The following AGTPBP1 variants were observed in gnomAD, a reference collection of about 807,000 sequenced individuals.
AGTPBP1 encodes the protein ATP/GTP binding carboxypeptidase 1.
Under a neutral mutation model 143.9 loss-of-function variants are expected in AGTPBP1, and 70 were observed. That is an observed-to-expected ratio of 0.49 (90% CI 0.40 to 0.59). AGTPBP1 has a LOEUF of 0.59. Among genes scored for constraint, AGTPBP1 ranks in the 20% least tolerant of loss-of-function variants. The probability of loss-of-function intolerance (pLI) is 0.00; values close to 1 mark genes in which losing one functional copy is unlikely to be tolerated. For missense variants in AGTPBP1, 1,229 were observed against 1,464.5 expected, an observed-to-expected ratio of 0.84 and a Z score of 2.62; for synonymous variants, 463 against 500.2, an observed-to-expected ratio of 0.93 and a Z score of 0.99.
At chr9:85,557,071 T>A (rs925119741) in intron 25 of AGTPBP1, among the ~76,000 whole-genome samples, 1 of 152,202 alleles carries the variant, frequency 6.6e-6, no homozygotes, top group Non-Finnish European at 1.5e-5. Context: ...ATTCTTATTT[T>A]GAAGTCTCAG....
rs367716084 is a variant in AGTPBP1, at chr9:85,672,561, T to C, written c.557A>G (p.Tyr186Cys). The change falls in exon 7 of 26, where the codon TAT (tyrosine) becomes TGT (cysteine). Residue 186 changes from tyrosine (Y) to cysteine (C), a missense_variant. Physicochemically the swap from Tyr to Cys is radical, Grantham distance 194 (BLOSUM62 -2). Around this residue, in one of 2 missense-constraint regions of AGTPBP1, gnomAD observed 743 missense variants for 812.2 expected, o/e 0.91. Coordinates refer to ENST00000357081, the MANE Select transcript of AGTPBP1 (RefSeq NM_001330701.2). ...VLPCLQLLRVYSANSVNSVSL... is the reference protein window; with the variant it reads ...VLPCLQLLRVCSANSVNSVSL... Reference sequence around the variant, plus strand: ...ACCTAAATACTCACAGTTGGCAGAATATACTCGTAAAAGCTGAAGGCAAGG... The same window carrying C: ...ACCTAAATACTCACAGTTGGCAGAACATACTCGTAAAAGCTGAAGGCAAGG... 23 of 1,611,190 alleles carry C rather than the reference T, an allele frequency of 1.4e-5. No individual in the cohort carries two copies. The highest frequency in any genetic ancestry group is 1.7e-4 in the Middle Eastern group (1 of 6,060).
intron 1 of AGTPBP1, among the ~76,000 whole-genome samples, chr9:85,720,673 C>A (rs574526220): frequency 6.6e-6 from 1 of 152,058 alleles, no homozygotes; most frequent in East Asian, 1.9e-4. Context: ...TTCAGTTCTG[C>A]TCTAATCTTA....
At chr9:85,642,095 A>G (rs1832513269) in intron 13 of AGTPBP1, among the ~76,000 whole-genome samples, 2 of 152,176 alleles carry the variant, frequency 1.3e-5, no homozygotes, top group African/African-American at 4.8e-5. Context: ...AGTGTATGAA[A>G]TTTGGGGAAC....
intron 19 of AGTPBP1, among the ~76,000 whole-genome samples, chr9:85,591,358 G>A (rs981271909): frequency 1.3e-5 from 2 of 151,908 alleles, no homozygotes; most frequent in African/African-American, 4.8e-5. Flanking sequence ...GGGTGGCAGC[G>A]GGAACTAATG....
At chr9:85,735,388 G>A (rs1205516174) in intron 1 of AGTPBP1, among the ~76,000 whole-genome samples, 15 of 152,144 alleles carry the variant, frequency 9.9e-5, no homozygotes, top group Admixed American at 9.8e-4. Context: ...TGGGGGAGGG[G>A]GAGAGTAATT....
chr9:85,633,677 A>G (rs117220182), intron 13 of AGTPBP1, among the ~76,000 whole-genome samples: 2,543 of 152,266 alleles, frequency 0.017, 25 homozygotes, highest in Middle Eastern at 0.054. Context: ...CATTCATTCA[A>G]TAACATTACA....
At chr9:85,788,645 T>C in the AGTPBP1 span, among the ~76,000 whole-genome samples, 1 of 149,546 alleles carries the variant, frequency 6.7e-6, no homozygotes, top group African/African-American at 2.4e-5. Flanking sequence ...CACTTGTATA[T>C]AAACACTTGT....
At chr9:85,673,958 A>G (rs1027306663) in intron 6 of AGTPBP1, among the ~76,000 whole-genome samples, 1 of 149,564 alleles carries the variant, frequency 6.7e-6, no homozygotes, top group Non-Finnish European at 1.5e-5. Context: ...GTCTCTATTA[A>G]AAATACAAAA....
intron 19 of AGTPBP1, among the ~76,000 whole-genome samples, chr9:85,590,782 A>G (rs1828911622): frequency 6.6e-6 from 1 of 152,190 alleles, no homozygotes; most frequent in Non-Finnish European, 1.5e-5. Context: ...AGGGAAAAAT[A>G]TTAGGAAGAC....
chr9:85,669,415 A>T, intron 8 of AGTPBP1, 70 bp downstream of exon 8: 1 of 845,932 alleles, frequency 1.2e-6, no homozygotes, highest in Non-Finnish European at 1.9e-6. Flanking sequence ...TGCTCATTGT[A>T]CATATCAAGA....
chr9:85,745,114 G>A (rs1044454040), upstream of AGTPBP1, among the ~76,000 whole-genome samples: 1 of 152,224 alleles, frequency 6.6e-6, no homozygotes, highest in Non-Finnish European at 1.5e-5. Context: ...GTCATGGGGA[G>A]AGAGAGGTGA....
At chr9:85,610,966 C>CTA (rs778869018) in intron 17 of AGTPBP1, among the ~76,000 whole-genome samples, 92 of 152,038 alleles carry the variant, frequency 6.1e-4, no homozygotes, top group Non-Finnish European at 1.6e-4. Flanking sequence ...TAAACAGCTC[C>CTA]CATAGCTTCT....
chr9:85,793,739 T>C, the AGTPBP1 span, among the ~76,000 whole-genome samples: 1 of 152,136 alleles, frequency 6.6e-6, no homozygotes, highest in Non-Finnish European at 1.5e-5. Flanking sequence ...GTTTAAGCAT[T>C]TGATTATGTG....
At chr9:85,670,299 A>C (rs1233939596) in intron 7 of AGTPBP1, among the ~76,000 whole-genome samples, 1 of 152,160 alleles carries the variant, frequency 6.6e-6, no homozygotes. Flanking sequence ...AGAAGTTGTT[A>C]ATTCTTTTGA....
At chr9:85,638,590 G>A (rs1038897353) in intron 13 of AGTPBP1, among the ~76,000 whole-genome samples, 8 of 151,812 alleles carry the variant, frequency 5.3e-5, no homozygotes, top group Admixed American at 1.3e-4. Context: ...CCAACTATAC[G>A]CTGTTTAAAA....
intron 2 of AGTPBP1, among the ~76,000 whole-genome samples, chr9:85,707,239 A>G (rs1240194620): frequency 6.6e-6 from 1 of 152,174 alleles, no homozygotes; most frequent in Non-Finnish European, 1.5e-5. Flanking sequence ...TATCACCAAA[A>G]TAGTATTTAG....
intron 7 of AGTPBP1, among the ~76,000 whole-genome samples, chr9:85,669,832 C>A (rs1834376464): frequency 6.7e-6 from 1 of 149,116 alleles, no homozygotes; most frequent in Non-Finnish European, 1.5e-5. Context: ...AAAAAAAATT[C>A]TTCAGTTACT....
chr9:85,779,791 T>C, the AGTPBP1 span, among the ~76,000 whole-genome samples: 1 of 151,956 alleles, frequency 6.6e-6, no homozygotes, highest in East Asian at 1.9e-4. Flanking sequence ...ACCCAGGAGG[T>C]TGAAGCTGTA....
At chr9:85,650,333 C>T (rs1833081550) in intron 11 of AGTPBP1, among the ~76,000 whole-genome samples, 1 of 152,078 alleles carries the variant, frequency 6.6e-6, no homozygotes, top group African/African-American at 2.4e-5. Flanking sequence ...CCTCAGATAG[C>T]AAAACCCCTC....
Sources: allele counts gnomAD v4.1 joint callset (sites outside exome capture counted in the v4.1 genomes callset), GRCh38; gene constraint gnomAD v4.1.1; regional missense constraint gnomAD v4.1.1; transcripts MANE v1.5; gene names NCBI Gene and HGNC (gene_info 2026-07-23, HGNC 2026-07-21).